Variants in GLRA3 observed in about 807,000 individuals in gnomAD.
The protein encoded by GLRA3 is glycine receptor alpha 3.
In GLRA3, 44 loss-of-function variants were observed where a neutral mutation model predicts 60.4. That is an observed-to-expected ratio of 0.73 (90% CI 0.57 to 0.94). GLRA3 has a LOEUF of 0.94. Ranked by LOEUF, GLRA3 falls within the 40% of genes least tolerant of loss-of-function variation. The probability of loss-of-function intolerance (pLI) is 0.00; values close to 1 mark genes in which losing one functional copy is unlikely to be tolerated. For missense variants in GLRA3, 508 were observed against 564.6 expected, an observed-to-expected ratio of 0.90 and a Z score of 1.02; for synonymous variants, 223 against 192.9, an observed-to-expected ratio of 1.16 and a Z score of -1.29.
chr4:174,788,519 A>G (rs1739203115), intron 2 of GLRA3, among the ~76,000 whole-genome samples: 1 of 151,366 alleles, frequency 6.6e-6, no homozygotes, highest in Non-Finnish European at 1.5e-5. Context: ...AATTAAATAA[A>G]GGATACGTAC....
chr4:174,652,189 G>C (rs1020969222), intron 9 of GLRA3, among the ~76,000 whole-genome samples: 1 of 151,932 alleles, frequency 6.6e-6, no homozygotes, highest in East Asian at 1.9e-4. Flanking sequence ...GTATGCTTAC[G>C]TGTGCAGTGA....
Position 174,677,238 on chromosome 4 carries a change from T to C in GLRA3, c.767A>G (p.Tyr256Cys). Residue 256 changes from tyrosine (Y) to cysteine (C), a missense_variant, in exon 7 of 10, where the codon TAT becomes TGT. Around this residue, in one of 3 missense-constraint regions of GLRA3, gnomAD observed 329 missense variants for 349.3 expected, o/e 0.94. Coordinates refer to ENST00000274093, the MANE Select transcript of GLRA3 (RefSeq NM_006529.4). ...ACTGGGAATGTACATCTGGATCAGA[T>C]AGTATCCCATTTGTCGCTCCAGATG... The part of the protein sequence containing the change: ...RFHLERQMGY[Y>C]LIQMYIPSLL... The C allele has an allele frequency of 6.2e-7, 1 of 1,613,126 alleles. No individual in the cohort carries two copies. The highest frequency in any genetic ancestry group is 8.5e-7 in the Non-Finnish European group (1 of 1,179,156).
At chr4:174,734,177 C>T (rs1736677808) in intron 3 of GLRA3, among the ~76,000 whole-genome samples, 1 of 152,124 alleles carries the variant, frequency 6.6e-6, no homozygotes, top group Admixed American at 6.5e-5. Context: ...AATAATTCAC[C>T]TTTGTCAAAT....
At chr4:174,758,530 G>C (rs998564896) in intron 3 of GLRA3, among the ~76,000 whole-genome samples, 2 of 152,030 alleles carry the variant, frequency 1.3e-5, no homozygotes, top group African/African-American at 4.8e-5. Flanking sequence ...AGGATCCTGT[G>C]GAAACATGGC....
intron 9 of GLRA3, among the ~76,000 whole-genome samples, chr4:174,650,773 C>A (rs908777042): frequency 2.0e-5 from 3 of 152,112 alleles, no homozygotes; most frequent in African/African-American, 7.2e-5. Flanking sequence ...AATGATGGAC[C>A]CTGCAGCTGA....
At chr4:174,701,084 G>T (rs1735299395) in intron 5 of GLRA3, among the ~76,000 whole-genome samples, 1 of 152,148 alleles carries the variant, frequency 6.6e-6, no homozygotes, top group African/African-American at 2.4e-5. Context: ...TCTTCTATTG[G>T]AAAAAGATGC....
chr4:174,807,238 C>G (rs6828361), intron 1 of GLRA3, among the ~76,000 whole-genome samples: 28,774 of 151,888 alleles, frequency 0.19, 3,210 homozygotes, highest in African/African-American at 0.31. Flanking sequence ...ATGAAAATAA[C>G]TTACAGATAA....
intron 5 of GLRA3, among the ~76,000 whole-genome samples, chr4:174,697,911 TG>T (rs1384524189): frequency 6.6e-6 from 1 of 152,142 alleles, no homozygotes; most frequent in Non-Finnish European, 1.5e-5. Flanking sequence ...CGTGGTTGGT[TG>T]GATTTCACTG....
chr4:174,774,717 G>A (rs1467239331), intron 2 of GLRA3, among the ~76,000 whole-genome samples: 1 of 152,102 alleles, frequency 6.6e-6, no homozygotes, highest in Admixed American at 6.5e-5. Context: ...AAAAGACAAT[G>A]AGAAATGACA....
At chr4:174,651,591 C>T (rs1244455630) in intron 9 of GLRA3, among the ~76,000 whole-genome samples, 1 of 152,086 alleles carries the variant, frequency 6.6e-6, no homozygotes, top group Non-Finnish European at 1.5e-5. Context: ...ACCAAACTAG[C>T]ACTAAAATAC....
intron 1 of GLRA3, among the ~76,000 whole-genome samples, chr4:174,796,549 T>C (rs914873192): frequency 2.8e-4 from 43 of 152,128 alleles, no homozygotes; most frequent in Non-Finnish European, 6.2e-4. Context: ...TCTTTCTTTT[T>C]TTTTTTTAGA....
chr4:174,821,628 A>G (rs758031393), intron 1 of GLRA3, among the ~76,000 whole-genome samples: 2 of 152,156 alleles, frequency 1.3e-5, no homozygotes, highest in African/African-American at 2.4e-5. Flanking sequence ...TCAGTTACAA[A>G]AAATGTCTAC....
chr4:174,644,422 T>A (rs113282427), intron 9 of GLRA3, among the ~76,000 whole-genome samples: 4 of 774 alleles, frequency 5.2e-3, no homozygotes, highest in African/African-American at 3.7e-3. Context: ...TTTTTGCATT[T>A]TTTTTTAAAT....
intron 9 of GLRA3, among the ~76,000 whole-genome samples, chr4:174,647,461 GC>G (rs78378188): frequency 0.15 from 23,184 of 150,670 alleles, 2,364 homozygotes; most frequent in East Asian, 0.4. Context: ...AAGAGACACA[GC>G]CAGTAAAGCA....
chr4:174,643,843 G>C lies in GLRA3; in HGVS notation c.1338C>G (p.Phe446Leu). The C allele has an allele frequency of 6.2e-7, 1 of 1,613,696 alleles. No individual in the cohort carries two copies. The highest frequency in any genetic ancestry group is 8.5e-7 in the Non-Finnish European group (1 of 1,179,644). Residue 446 changes from phenylalanine to leucine, a missense_variant, in exon 10 of 10, where the codon TTC becomes TTG. Phe to Leu is a conservative substitution (Grantham distance 22, BLOSUM62 0). This residue lies in a region of GLRA3 where 176 missense variants were observed against 197.9 expected (regional missense o/e 0.89). Transcript: ENST00000274093. ...FPLAFLIFNI[F>L]YWVIYKILRH... ...TAAGAATTTTATAGATAACCCAGTAGAAAATATTAAAAATCAAAAAAGCTA... is the reference window on the plus strand; with the variant it reads ...TAAGAATTTTATAGATAACCCAGTACAAAATATTAAAAATCAAAAAAGCTA...
At chr4:174,678,655 A>C (rs1417704412) in intron 6 of GLRA3, among the ~76,000 whole-genome samples, 1 of 152,322 alleles carries the variant, frequency 6.6e-6, no homozygotes, top group East Asian at 1.9e-4. Context: ...GAAAACGTGG[A>C]TTCCACTCTT....
chr4:174,750,324 T>C (rs1561094517), intron 3 of GLRA3, among the ~76,000 whole-genome samples: 1 of 152,152 alleles, frequency 6.6e-6, no homozygotes, highest in Non-Finnish European at 1.5e-5. Flanking sequence ...TATGGGTTAT[T>C]TGGCTGACTG....
At chr4:174,698,576 G>A (rs1483812722) in intron 5 of GLRA3, among the ~76,000 whole-genome samples, 2 of 152,048 alleles carry the variant, frequency 1.3e-5, no homozygotes, top group East Asian at 1.9e-4. Context: ...ACCAAAACAA[G>A]GGAAGAAAGT....
At chr4:174,753,652 G>A (rs1413030313) in intron 3 of GLRA3, among the ~76,000 whole-genome samples, 1 of 152,122 alleles carries the variant, frequency 6.6e-6, no homozygotes, top group East Asian at 1.9e-4. Flanking sequence ...GTTATGAGAG[G>A]TGGCCAAGAG....
Sources: gnomAD v4.1 joint callset for allele counts (sites outside exome capture counted in the v4.1 genomes callset) on GRCh38, gnomAD v4.1.1 for gene constraint, gnomAD v4.1.1 regional missense constraint, MANE v1.5 for transcripts, NCBI Gene and HGNC (gene_info 2026-07-23, HGNC 2026-07-21) for gene names.